Variants in CYFIP1 observed in about 807,000 individuals in gnomAD.
The protein encoded by CYFIP1 is cytoplasmic FMR1 interacting protein 1.
CYFIP1 carries 58 observed loss-of-function variants against 163.5 expected under a neutral mutation model. That is an observed-to-expected ratio of 0.35 (90% CI 0.29 to 0.44). The LOEUF (loss-of-function observed/expected upper bound fraction) is 0.44, where lower values mean the gene tolerates loss of function less well. CYFIP1 is among the 20% of genes least tolerant of loss of function. CYFIP1 has a pLI of 1.00. For synonymous variants in CYFIP1, 663 were observed against 660.7 expected (o/e 1.00, Z -0.05); for missense variants, 1,338 against 1,653.8 (o/e 0.81, Z 3.31).
chr15:22,921,461 C>T (rs2061174405), intron 13 of CYFIP1, among the ~76,000 whole-genome samples: 1 of 151,646 alleles, frequency 6.6e-6, no homozygotes, highest in Non-Finnish European at 1.5e-5. Flanking sequence ...AAAGACAAAG[C>T]TGTTCAGTAA....
chr15:22,901,537 C>T (rs528156271), intron 22 of CYFIP1, among the ~76,000 whole-genome samples: 1 of 152,328 alleles, frequency 6.6e-6, no homozygotes, highest in South Asian at 2.1e-4. Flanking sequence ...GAAAAGAGGC[C>T]TAACTCTGGA....
intron 21 of CYFIP1, among the ~76,000 whole-genome samples, chr15:22,907,782 G>C (rs1054731951): frequency 2.6e-4 from 40 of 152,232 alleles, no homozygotes; most frequent in African/African-American, 9.4e-4. Context: ...GCTGTGGTTC[G>C]GGGGCCCGCT....
intron 21 of CYFIP1, among the ~76,000 whole-genome samples, chr15:22,907,743 AGTTGGGGGGTGGTCAG>A (rs2060632576): frequency 6.6e-6 from 1 of 152,144 alleles, no homozygotes; most frequent in Non-Finnish European, 1.5e-5. Context: ...CGAGGGTCAG[AGTTGGGGGGTGGTCAG>A]GTGATCCACA....
intron 8 of CYFIP1, 127 bp from the exon 9 acceptor site, chr15:22,937,335 C>T: frequency 3.2e-6 from 2 of 622,610 alleles, no homozygotes; most frequent in Non-Finnish European, 5.8e-6. Context: ...AAAGATCTAT[C>T]TTTAGGCTGC....
chr15:22,924,898 C>CA (rs1253566272), intron 13 of CYFIP1, among the ~76,000 whole-genome samples: 1 of 151,980 alleles, frequency 6.6e-6, no homozygotes, highest in Admixed American at 6.6e-5. Flanking sequence ...TTGGTGACAC[C>CA]CCATCTCTAC....
intron 6 of CYFIP1, among the ~76,000 whole-genome samples, chr15:22,942,053 G>C (rs983715564): frequency 3.3e-5 from 5 of 152,200 alleles, no homozygotes; most frequent in African/African-American, 9.7e-5. Flanking sequence ...GGGGCTCACA[G>C]GTCAACTCCA....
At chr15:22,959,473 C>T (rs934307052) in intron 1 of CYFIP1, among the ~76,000 whole-genome samples, 5 of 152,218 alleles carry the variant, frequency 3.3e-5, no homozygotes, top group Admixed American at 6.5e-5. Context: ...AGGGAGCTGC[C>T]GCAGCCCCGT....
intron 22 of CYFIP1, among the ~76,000 whole-genome samples, chr15:22,901,640 C>T (rs1390328535): frequency 6.6e-6 from 1 of 152,244 alleles, no homozygotes; most frequent in African/African-American, 2.4e-5. Flanking sequence ...TCGCAGACCA[C>T]CTAGGTCACC....
intron 26 of CYFIP1, 56 bp from the exon 27 acceptor site, chr15:22,875,327 C>T (rs2059553192): frequency 6.7e-7 from 1 of 1,503,270 alleles, no homozygotes; most frequent in Non-Finnish European, 9.3e-7. Flanking sequence ...AGAGAGCAAT[C>T]TGGTGCTGAA....
intron 1 of CYFIP1, among the ~76,000 whole-genome samples, chr15:22,979,751 C>A (rs79835170): frequency 1.3e-5 from 2 of 152,190 alleles, no homozygotes; most frequent in African/African-American, 2.4e-5. Context: ...CCCAAAACTC[C>A]TCTCTCCAAG....
intron 26 of CYFIP1, among the ~76,000 whole-genome samples, chr15:22,879,240 T>G (rs549208662): frequency 2.7e-4 from 41 of 152,264 alleles, no homozygotes; most frequent in African/African-American, 9.6e-4. Flanking sequence ...CCCACCTCGT[T>G]AGTCACGATG....
At chr15:22,927,704 C>G (rs1051050917) in intron 12 of CYFIP1, among the ~76,000 whole-genome samples, 2 of 149,420 alleles carry the variant, frequency 1.3e-5, no homozygotes, top group African/African-American at 4.9e-5. Flanking sequence ...TTAATTCTAT[C>G]AAGATTTTTT....
chr15:22,980,050 C>T (rs967369061), intron 1 of CYFIP1, among the ~76,000 whole-genome samples: 2 of 151,110 alleles, frequency 1.3e-5, no homozygotes, highest in Non-Finnish European at 2.9e-5. Context: ...GAAGCCAGTG[C>T]AGGGAGTGCG....
intron 26 of CYFIP1, among the ~76,000 whole-genome samples, chr15:22,876,284 G>C (rs563602651): frequency 6.6e-6 from 1 of 152,004 alleles, no homozygotes; most frequent in African/African-American, 2.4e-5. Flanking sequence ...ACTCATCAAC[G>C]TCAATCCAGT....
intron 16 of CYFIP1, 38 bp from the exon 17 acceptor site, chr15:22,914,920 A>G: frequency 6.4e-7 from 1 of 1,571,740 alleles, no homozygotes; most frequent in East Asian, 2.3e-5. Context: ...ATCTCCCGCA[A>G]GCAAAAAAAA....
At chr15:22,874,063 G>A (rs1313888194) in intron 28 of CYFIP1, among the ~76,000 whole-genome samples, 3 of 152,192 alleles carry the variant, frequency 2.0e-5, no homozygotes, top group Non-Finnish European at 4.4e-5. Flanking sequence ...TGGGTGGAGC[G>A]GGTCTACTGG....
chr15:22,917,885 T>C lies in CYFIP1; in HGVS notation c.1577A>G (p.Glu526Gly). Residue 526 changes from glutamate (E) to glycine (G), a missense_variant, in exon 15 of 31, where the codon GAG (glutamate) becomes GGG (glycine). Transcript: ENST00000617928. The surrounding 1 kb of genome is among the most constrained non-coding windows in gnomAD (Gnocchi z 4.2). ...CCGCAAGGCTGGGTCATTGAAGGGCTCATGCCCCGTCTCCCAGTCACACAC... is the reference window on the plus strand; with the variant it reads ...CCGCAAGGCTGGGTCATTGAAGGGCCCATGCCCCGTCTCCCAGTCACACAC... ...KTVCDWETGH[E>G]PFNDPALRGE... The C allele has an allele frequency of 6.2e-7, 1 of 1,613,878 alleles. No homozygotes were observed. The highest frequency in any genetic ancestry group is 8.5e-7 in the Non-Finnish European group (1 of 1,179,906).
chr15:22,908,786 C>G (rs1724906435), intron 21 of CYFIP1, among the ~76,000 whole-genome samples: 1 of 151,988 alleles, frequency 6.6e-6, no homozygotes, highest in African/African-American at 2.4e-5. Flanking sequence ...CCGCAGGCCT[C>G]CCAAAGTGCT....
chr15:22,940,493 G>A (rs1175496164), intron 6 of CYFIP1, among the ~76,000 whole-genome samples: 1 of 152,186 alleles, frequency 6.6e-6, no homozygotes, highest in Non-Finnish European at 1.5e-5. Context: ...GACTGGAATG[G>A]AGAAATGACA....
Sources: gnomAD v4.1 joint callset for allele counts (sites outside exome capture counted in the v4.1 genomes callset) on GRCh38, gnomAD v4.1.1 for gene constraint, Gnocchi (gnomAD v3.1) non-coding constraint, MANE v1.5 for transcripts, NCBI Gene and HGNC (gene_info 2026-07-23, HGNC 2026-07-21) for gene names.